Variants in ANKS1B observed in about 807,000 individuals in gnomAD.
ANKS1B encodes the protein ankyrin repeat and sterile alpha motif domain containing 1B.
In ANKS1B, 36 loss-of-function variants were observed where a neutral mutation model predicts 148.3. The observed-to-expected ratio is 0.24, with a 90% CI of 0.19 to 0.32. The LOEUF (loss-of-function observed/expected upper bound fraction) is 0.32. ANKS1B is among the 10% of genes least tolerant of loss of function. ANKS1B has a pLI of 1.00. For synonymous variants in ANKS1B, 542 were observed against 560.8 expected, an observed-to-expected ratio of 0.97 and a Z score of 0.47; for missense variants, 1,157 against 1,542.6, an observed-to-expected ratio of 0.75 and a Z score of 4.19.
intron 14 of ANKS1B, among the ~76,000 whole-genome samples, chr12:99,223,481 G>A (rs568061243): frequency 1.3e-5 from 2 of 151,968 alleles, no homozygotes; most frequent in Admixed American, 6.6e-5. Context: ...GGGGGTAATG[G>A]GAGACAGTGA....
chr12:98,970,414 G>T (rs2099882203), intron 17 of ANKS1B, among the ~76,000 whole-genome samples: 1 of 152,282 alleles, frequency 6.6e-6, no homozygotes, highest in East Asian at 1.9e-4. Context: ...GGCTGGTTTG[G>T]CCTAGCATAG....
chr12:99,556,658 G>T (rs1235016952), intron 9 of ANKS1B, among the ~76,000 whole-genome samples: 1 of 151,992 alleles, frequency 6.6e-6, no homozygotes, highest in African/African-American at 2.4e-5. Flanking sequence ...GTTCTCCTTA[G>T]TATCAAATAA....
At chr12:99,303,722 C>T (rs1034795299) in intron 12 of ANKS1B, among the ~76,000 whole-genome samples, 2 of 152,048 alleles carry the variant, frequency 1.3e-5, no homozygotes, top group Admixed American at 6.6e-5. Flanking sequence ...GATTTTGGTG[C>T]ACCCATTACC....
chr12:99,033,361 A>G (rs1040661519), intron 17 of ANKS1B, among the ~76,000 whole-genome samples: 1 of 152,236 alleles, frequency 6.6e-6, no homozygotes, highest in African/African-American at 2.4e-5. Context: ...TAAGAAATGC[A>G]GGTTTATAAT....
At chr12:98,976,689 A>G (rs1011019120) in intron 17 of ANKS1B, 77 of 152,346 alleles carry the variant, frequency 5.1e-4, no homozygotes, top group African/African-American at 1.5e-3. Flanking sequence ...AGTCTATGTA[A>G]GTGCCATAAA....
intron 1 of ANKS1B, among the ~76,000 whole-genome samples, chr12:99,830,551 A>G (rs1299326715): frequency 6.6e-6 from 1 of 151,958 alleles, no homozygotes; most frequent in African/African-American, 2.4e-5. Context: ...TTAGTCTAGC[A>G]CCAGAATAGA....
chr12:99,700,794 T>A (rs1194242492), intron 8 of ANKS1B, among the ~76,000 whole-genome samples: 3 of 152,174 alleles, frequency 2.0e-5, no homozygotes, highest in Non-Finnish European at 4.4e-5. Flanking sequence ...GGAAACTAAC[T>A]TTAGAATATG....
At chr12:99,105,768 CA>C (rs11349848) in intron 15 of ANKS1B, among the ~76,000 whole-genome samples, 40,778 of 83,094 alleles carry the variant, frequency 0.49, 5,750 homozygotes, top group East Asian at 0.62. Flanking sequence ...GACTCTGTCT[CA>C]AAAAAAAAAA....
intron 17 of ANKS1B, among the ~76,000 whole-genome samples, chr12:99,041,740 C>A (rs1404403636): frequency 6.6e-6 from 1 of 152,136 alleles, no homozygotes; most frequent in African/African-American, 2.4e-5. Flanking sequence ...TTGACTCATG[C>A]CTGTAATCCC....
chr12:99,638,104 G>GCCA (rs2098260636), intron 9 of ANKS1B, among the ~76,000 whole-genome samples: 1 of 152,018 alleles, frequency 6.6e-6, no homozygotes, highest in Non-Finnish European at 1.5e-5. Context: ...GAACATATTT[G>GCCA]TTTCCCTTTC....
intron 9 of ANKS1B, among the ~76,000 whole-genome samples, chr12:99,580,702 T>C (rs947180226): frequency 2.6e-4 from 39 of 152,270 alleles, no homozygotes; most frequent in African/African-American, 8.9e-4. Flanking sequence ...ATCACTATAG[T>C]TAATGATAAT....
At position 98,745,375 on chromosome 12, in the gene ANKS1B, CTTTTTTT is replaced by C. The variant is rs71305587; in HGVS notation, c.*357_*363del. 1.2e-4 allele frequency: 110 copies of C among 913,700 alleles called. No individual in the cohort carries two copies. Among genetic ancestry groups the C allele is most frequent in the South Asian group, 4.8e-4 (9 of 18,654 alleles). The allele number at this position is 913,700 out of a possible 1,614,324, so 56.6% of individuals were successfully genotyped here. The stretch of plus-strand genomic sequence containing the variant: ...TAGGCAGTATTAGAGATCCCCTTTA[CTTTTTTT>C]TTTTTTTTTTTTTTTTTAAAGAAAA... On this transcript the variant is annotated 3_prime_UTR_variant, in exon 27 of 27. Transcript: ENST00000683438.
chr12:99,785,439 G>GT (rs2064914810), intron 4 of ANKS1B, among the ~76,000 whole-genome samples: 1 of 149,560 alleles, frequency 6.7e-6, no homozygotes, highest in African/African-American at 2.5e-5. Context: ...TTTTTTTTCT[G>GT]TTTTTCTTTT....
At chr12:98,775,056 TG>T (rs2098655628) in intron 24 of ANKS1B, among the ~76,000 whole-genome samples, 1 of 152,164 alleles carries the variant, frequency 6.6e-6, no homozygotes, top group Admixed American at 6.5e-5. Context: ...CAATGTGAGA[TG>T]GTGTGGGAAC....
intron 8 of ANKS1B, among the ~76,000 whole-genome samples, chr12:99,691,276 T>C (rs2098677994): frequency 6.6e-6 from 1 of 152,220 alleles, no homozygotes; most frequent in African/African-American, 2.4e-5. Context: ...TGATATGCCC[T>C]GGAGACTTCC....
At chr12:99,710,230 T>C (rs1169570566) in intron 8 of ANKS1B, among the ~76,000 whole-genome samples, 2 of 152,184 alleles carry the variant, frequency 1.3e-5, no homozygotes, top group African/African-American at 4.8e-5. Flanking sequence ...TTAGAATTCC[T>C]CTTGACTTTA....
At chr12:98,915,434 C>A (rs1206747644) in intron 17 of ANKS1B, among the ~76,000 whole-genome samples, 4 of 152,146 alleles carry the variant, frequency 2.6e-5, no homozygotes, top group Non-Finnish European at 5.9e-5. Context: ...TTACTGCAAC[C>A]TCCGCCTCCC....
chr12:99,370,894 T>C (rs1429799695), intron 12 of ANKS1B, among the ~76,000 whole-genome samples: 4 of 152,188 alleles, frequency 2.6e-5, no homozygotes, highest in Admixed American at 6.6e-5. Flanking sequence ...TTCGATGCAC[T>C]CTACTGAAGT....
intron 4 of ANKS1B, among the ~76,000 whole-genome samples, chr12:99,794,560 C>T (rs917546814): frequency 1.3e-5 from 2 of 151,182 alleles, no homozygotes; most frequent in African/African-American, 4.9e-5. Flanking sequence ...ATGGATGGAA[C>T]TGGAGATCAT....
Sources: allele counts gnomAD v4.1 joint callset (sites outside exome capture counted in the v4.1 genomes callset), GRCh38; gene constraint gnomAD v4.1.1; transcripts MANE v1.5; gene names NCBI Gene and HGNC (gene_info 2026-07-23, HGNC 2026-07-21).